DACH2: variants seen among roughly 807,000 people sequenced by gnomAD.
DACH2 encodes dachshund family transcription factor 2, also known as dachshund homolog 2.
DACH2 carries 17 observed loss-of-function variants against 35.8 expected under a neutral mutation model. The observed-to-expected ratio is 0.48, with a 90% CI of 0.33 to 0.71. DACH2 has a LOEUF of 0.71. Among genes scored for constraint, DACH2 ranks in the 30% least tolerant of loss-of-function variants. The pLI is 0.02. For missense variants in DACH2, 469 were observed against 472.7 expected, an observed-to-expected ratio of 0.99 and a Z score of 0.07; for synonymous variants, 195 against 177.3, an observed-to-expected ratio of 1.10 and a Z score of -0.79.
At position 86,598,049 on chromosome X, in the gene DACH2, C is replaced by T. The variant is rs953193076; in HGVS notation, c.641-52987C>T. Among the ~76,000 whole-genome samples, 3 of 110,940 alleles carry T rather than the reference C, an allele frequency of 2.7e-5. No individual in the cohort carries two copies. In the Admixed American group the frequency reaches 2.9e-4, roughly 11 times the overall value. On this transcript the variant is annotated intron_variant, in intron 3 of 11. Coordinates refer to ENST00000373125, the MANE Select transcript of DACH2 (RefSeq NM_053281.3). ...GCAAGGAAGCTCTCCTTTTAAAAACCATCATATCTCGTGAGATTTATTCAC... is the reference window on the plus strand; with the variant it reads ...GCAAGGAAGCTCTCCTTTTAAAAACTATCATATCTCGTGAGATTTATTCAC...
chrX:86,157,909 T>C (rs1321635681), intron 1 of DACH2, among the ~76,000 whole-genome samples: 1 of 111,349 alleles, frequency 9.0e-6, no homozygotes, highest in Non-Finnish European at 1.9e-5. Context: ...TGAAAACATA[T>C]GTAATTATCA....
intron 2 of DACH2, among the ~76,000 whole-genome samples, chrX:86,423,520 G>GATT (rs2148160957): frequency 9.6e-6 from 1 of 103,758 alleles, no homozygotes; most frequent in African/African-American, 3.4e-5. Context: ...CAGATAATTA[G>GATT]ATTTTTTTTT....
chrX:86,208,352 G>A (rs1167154795), intron 1 of DACH2, among the ~76,000 whole-genome samples: 1 of 111,144 alleles, frequency 9.0e-6, no homozygotes, highest in Non-Finnish European at 1.9e-5. Flanking sequence ...TTGAAGATCA[G>A]GGTTCATGGA....
chrX:86,629,324 G>C (rs180792141), intron 3 of DACH2, among the ~76,000 whole-genome samples: 97 of 111,239 alleles, frequency 8.7e-4, no homozygotes, highest in Non-Finnish European at 4.9e-4. Context: ...CTGGTATTCT[G>C]ATTTAGATAT....
chrX:86,712,173 A>C (rs960721858), intron 5 of DACH2, among the ~76,000 whole-genome samples: 7 of 111,486 alleles, frequency 6.3e-5, no homozygotes, highest in African/African-American at 2.3e-4. Flanking sequence ...ATAGAAACCT[A>C]CTTAGGTCAT....
intron 7 of DACH2, among the ~76,000 whole-genome samples, chrX:86,811,175 A>T (rs761653310): frequency 5.5e-4 from 61 of 111,840 alleles, no homozygotes; most frequent in South Asian, 3.7e-4. Context: ...GCATTTTTTT[A>T]AATTGCTATT....
rs1173549409 is a variant in DACH2 at position 86,721,168 on chromosome X, C to T, written c.1104+6448C>T. The stretch of plus-strand genomic sequence containing the variant: ...CTTACATGCCCTGGAGGCATTTTCC[C>T]CATTGTCTTGGTGATTAGCATTTGG... On this transcript the variant is annotated intron_variant, in intron 6 of 11. Transcript: ENST00000373125. 2.7e-5 allele frequency among the ~76,000 whole-genome samples: 3 copies of T among 112,387 alleles called. No homozygotes were observed. In the East Asian group the frequency reaches 8.4e-4, roughly 32 times the overall value.
At chrX:86,391,990 A>G (rs1460759784) in intron 2 of DACH2, among the ~76,000 whole-genome samples, 1 of 110,873 alleles carries the variant, frequency 9.0e-6, no homozygotes, top group African/African-American at 3.3e-5. Flanking sequence ...TTTTTTTATT[A>G]TACATTAAGT....
intron 4 of DACH2, among the ~76,000 whole-genome samples, chrX:86,685,633 G>A (rs1406350929): frequency 1.8e-5 from 2 of 111,167 alleles, no homozygotes; most frequent in Non-Finnish European, 3.8e-5. Context: ...GACAAAAGAG[G>A]AAAACGATAA....
intron 2 of DACH2, among the ~76,000 whole-genome samples, chrX:86,464,178 T>A (rs779347433): frequency 9.0e-6 from 1 of 110,964 alleles, no homozygotes; most frequent in African/African-American, 3.3e-5. Context: ...GGGTATATAC[T>A]CAAAGGATTA....
At chrX:86,451,739 G>C (rs959115164) in intron 2 of DACH2, among the ~76,000 whole-genome samples, 8 of 110,779 alleles carry the variant, frequency 7.2e-5, no homozygotes, top group African/African-American at 1.3e-4. Flanking sequence ...TTTTTGAGCC[G>C]TGGTTTGTAG....
rs369011607 is a variant in DACH2 at position 86,664,885 on chromosome X, C to T, written c.772+13718C>T. ...TTCTTTTTTAAATTTTCAAGTGCTTCGAAAGGCAAAAGGGGTACATCTTTT... is the reference window on the plus strand; with the variant it reads ...TTCTTTTTTAAATTTTCAAGTGCTTTGAAAGGCAAAAGGGGTACATCTTTT... On this transcript the variant is annotated intron_variant, in intron 4 of 11. Coordinates refer to ENST00000373125, the MANE Select transcript of DACH2 (RefSeq NM_053281.3). 3.1e-4 allele frequency among the ~76,000 whole-genome samples: 35 copies of T among 111,433 alleles called. 1 individual carries two copies. In the East Asian group the frequency reaches 5.9e-3, roughly 19 times the overall value.
At chrX:86,391,771 A>G (rs948188837) in intron 2 of DACH2, among the ~76,000 whole-genome samples, 13 of 111,260 alleles carry the variant, frequency 1.2e-4, no homozygotes, top group Non-Finnish European at 3.8e-5. Flanking sequence ...TTTGATGCAA[A>G]GAATCAGCAA....
intron 3 of DACH2, among the ~76,000 whole-genome samples, chrX:86,576,977 G>T (rs770089987): frequency 4.5e-5 from 5 of 111,784 alleles, no homozygotes; most frequent in Non-Finnish European, 9.4e-5. Flanking sequence ...TTCTTGTATA[G>T]CCTGTAGAAC....
chrX:86,773,189 C>T (rs1397627216), intron 7 of DACH2, among the ~76,000 whole-genome samples: 1 of 111,805 alleles, frequency 8.9e-6, no homozygotes, highest in Admixed American at 9.6e-5. Flanking sequence ...AAAGAAGGTT[C>T]CTGTTTTTAC....
At chrX:86,744,888 C>T (rs775339073) in intron 7 of DACH2, among the ~76,000 whole-genome samples, 4 of 111,209 alleles carry the variant, frequency 3.6e-5, no homozygotes, top group African/African-American at 1.3e-4. Context: ...CTTTAGAGTA[C>T]AGCAATTACG....
intron 3 of DACH2, among the ~76,000 whole-genome samples, chrX:86,648,656 C>A (rs999512181): frequency 1.8e-5 from 2 of 110,740 alleles, no homozygotes; most frequent in Admixed American, 9.6e-5. Flanking sequence ...AAAGTCACTG[C>A]AATTATGGTA....
chrX:86,259,396 C>T (rs2033584361), intron 1 of DACH2, among the ~76,000 whole-genome samples: 1 of 111,172 alleles, frequency 9.0e-6, no homozygotes, highest in Non-Finnish European at 1.9e-5. Context: ...TTCGTTTATT[C>T]AATGATTTAT....
At chrX:86,173,462 T>A (rs1361963977) in intron 1 of DACH2, among the ~76,000 whole-genome samples, 1 of 111,723 alleles carries the variant, frequency 9.0e-6, no homozygotes, top group Non-Finnish European at 1.9e-5. Context: ...GTAGGCTTCA[T>A]TAAGTATGTG....
Sources: gnomAD v4.1 joint callset for allele counts (sites outside exome capture counted in the v4.1 genomes callset) on GRCh38, gnomAD v4.1.1 for gene constraint, MANE v1.5 for transcripts, NCBI Gene and HGNC (gene_info 2026-07-23, HGNC 2026-07-21) for gene names.